SDCBP2: variants seen among roughly 807,000 people sequenced by gnomAD.
SDCBP2 encodes syntenin-2.
A neutral mutation model predicts 30.7 loss-of-function variants in SDCBP2; 28 were observed. That is an observed-to-expected ratio of 0.91 (90% CI 0.68 to 1.25). The LOEUF (loss-of-function observed/expected upper bound fraction) is 1.25. Among genes scored for constraint, SDCBP2 ranks in the 50% most tolerant of loss-of-function variants. The pLI, the probability that SDCBP2 is intolerant of heterozygous loss-of-function variation, is 0.00. For missense variants in SDCBP2, 399 were observed against 379.0 expected (o/e 1.05, Z -0.44); for synonymous variants, 166 against 157.3 (o/e 1.06, Z -0.41).
In SDCBP2 at chr20:1,310,492, C is replaced by T; in HGVS notation, c.828G>A (p.Leu276=). The change falls in exon 9 of 9, where the codon TTG becomes TTA. Residue 276 remains leucine (L), a synonymous_variant. Transcript: ENST00000360779. ...TGGTGTGGTGGAGCAGGACTGGAGG[C>T]AACCTGGATACAGCAACAACAGTGA... ...SVIYEHMVKK[L]PPVLLHHTMD... 1 of 1,613,702 alleles carries T rather than the reference C, an allele frequency of 6.2e-7. No individual in the cohort carries two copies. Among genetic ancestry groups the T allele is most frequent in the Non-Finnish European group, 8.5e-7 (1 of 1,179,952 alleles).
chr20:1,320,710 T>C lies in SDCBP2; in HGVS notation c.-19-275A>G. ...AATTTATAAAGACTCTCACACAAACTGTAGCAGAACTTAGACACTCAACAG... is the reference window on the plus strand; with the variant it reads ...AATTTATAAAGACTCTCACACAAACCGTAGCAGAACTTAGACACTCAACAG... On this transcript the variant is annotated intron_variant, in intron 1 of 8. Coordinates refer to ENST00000360779, the MANE Select transcript of SDCBP2 (RefSeq NM_080489.5). The surrounding 1 kb of genome is among the most constrained non-coding windows in gnomAD (Gnocchi z 4.7). 1 of 283,878 alleles carries C rather than the reference T, an allele frequency of 3.5e-6. No homozygotes were observed. The highest frequency in any genetic ancestry group is 6.7e-5 in the East Asian group (1 of 14,958). The allele number at this position is 283,878 out of a possible 1,614,324, so 17.6% of individuals were successfully genotyped here.
chr20:1,320,253 T>C lies in SDCBP2; in HGVS notation c.54+110A>G. 2.1e-6 allele frequency: 2 copies of C among 937,268 alleles called. No individual in the cohort carries two copies. Among genetic ancestry groups the C allele is most frequent in the South Asian group, 1.6e-5 (1 of 63,566 alleles). The allele number at this position is 937,268 out of a possible 1,614,324, so 58.1% of individuals were successfully genotyped here. A position where few individuals can be genotyped will look rare whatever the true frequency, so the allele number is the denominator to read the frequency against. ...GCAGGCCCTGCAGTGGACACCTACA[T>C]GCCCTGAGGCCTACGGGAATCTCCA... On this transcript the variant is annotated intron_variant, in intron 2 of 8. Coordinates refer to ENST00000360779, the MANE Select transcript of SDCBP2 (RefSeq NM_080489.5). The surrounding 1 kb of genome is among the most constrained non-coding windows in gnomAD (Gnocchi z 4.7).
At chr20:1,311,106 C>T (rs1373073963) in intron 7 of SDCBP2, 1 of 489,186 alleles carries the variant, frequency 2.0e-6, no homozygotes, top group Non-Finnish European at 3.6e-6. Flanking sequence ...GGGTCTCCCA[C>T]CTGAGGATCT....
Position 1,310,904 on chromosome 20 carries a change from C to T in SDCBP2, c.733-13G>A, listed in dbSNP as rs1258902526. 2.5e-6 allele frequency: 4 copies of T among 1,606,328 alleles called. No homozygotes were observed. Among genetic ancestry groups the T allele is most frequent in the Admixed American group, 1.7e-5 (1 of 59,848 alleles). ...TGATCTTTTTGTCCTAGGGAGGAGG[C>T]AAGTAAGCGATCACCCTAAGGATTG... On this transcript the variant is annotated splice_polypyrimidine_tract_variant and intron_variant, in intron 7 of 8. Coordinates refer to ENST00000360779, the MANE Select transcript of SDCBP2 (RefSeq NM_080489.5).
Position 1,312,568 on chromosome 20 carries a change from C to T in SDCBP2, c.560+19G>A. The T allele has an allele frequency of 1.2e-6, 2 of 1,612,584 alleles. No individual in the cohort carries two copies. The highest frequency in any genetic ancestry group is 1.7e-6 in the Non-Finnish European group (2 of 1,179,264). On this transcript the variant is annotated intron_variant, in intron 6 of 8. Coordinates refer to ENST00000360779, the MANE Select transcript of SDCBP2 (RefSeq NM_080489.5). ...TGGCTGGGGTGAGACGGAGAGGCTG[C>T]CCGGGCCTGGCTACTCACCTGTCCC...
chr20:1,314,030 AT>A (rs2122511015), intron 4 of SDCBP2, among the ~76,000 whole-genome samples: 1 of 152,300 alleles, frequency 6.6e-6, no homozygotes, highest in South Asian at 2.1e-4. Context: ...AACGGTTCCT[AT>A]TTATAGATGG....
At chr20:1,318,258 C>A (rs963378341) in intron 4 of SDCBP2, 60 bp downstream of exon 4, 8 of 1,161,260 alleles carry the variant, frequency 6.9e-6, no homozygotes, top group Non-Finnish European at 1.0e-5. Context: ...ATGGCAAGAC[C>A]AGGAAAAAGG....
Position 1,312,422 on chromosome 20 carries a change from A to C in SDCBP2, c.647T>G (p.Val216Gly), listed in dbSNP as rs926792736. ...GTTGCGGGCCGCAGAACTCCCTTTG[A>C]CCAGAGAGACAATCTTCCCCTTCTT... Reference protein sequence around the residue: ...VIKKGKIVSLVKGSSAARNGL... With the variant: ...VIKKGKIVSLGKGSSAARNGL... Residue 216 changes from valine (V) to glycine (G), a missense_variant, in exon 7 of 9, where the codon GTC (valine) becomes GGC (glycine). Val to Gly is a moderately radical substitution (Grantham distance 109, BLOSUM62 -3). Coordinates refer to ENST00000360779, the MANE Select transcript of SDCBP2 (RefSeq NM_080489.5). The C allele has an allele frequency of 5.6e-6, 9 of 1,613,804 alleles. No individual in the cohort carries two copies. The highest frequency in any genetic ancestry group is 1.7e-5 in the Admixed American group (1 of 59,974).
At chr20:1,311,041 G>A (rs961029561) in intron 7 of SDCBP2, 150 bp from the exon 8 acceptor site, 5 of 577,192 alleles carry the variant, frequency 8.7e-6, no homozygotes, top group Admixed American at 6.5e-5. Context: ...CCCCGAGCCT[G>A]TCAGATGAGG....
In SDCBP2 at chr20:1,313,736, G is replaced by C. The variant is rs1317263753; in HGVS notation, c.226-238C>G. ...GGAAAACGGGGAGGGAAGGGGCGAG[G>C]ATACAGGAAGAGGCCCTTCATTTCC... is the stretch of plus-strand genomic sequence containing the variant. On this transcript the variant is annotated intron_variant, in intron 4 of 8. Transcript: ENST00000360779. The surrounding 1 kb of genome is among the most constrained non-coding windows in gnomAD (Gnocchi z 5.2). The C allele has an allele frequency of 2.7e-6, 3 of 1,110,310 alleles. No individual in the cohort carries two copies. The highest frequency in any genetic ancestry group is 3.5e-6 in the Non-Finnish European group (3 of 849,874). 68.8% of individuals were successfully genotyped at this position (1,110,310 alleles called of 1,614,324 possible).
chr20:1,325,431 A>G (rs2088908188), intron 1 of SDCBP2: 1 of 152,174 alleles, frequency 6.6e-6, no homozygotes, highest in Admixed American at 6.5e-5. Context: ...AGAGTGGAAC[A>G]TGGCGGCCTC....
chr20:1,311,256 A>T (rs769577614), intron 7 of SDCBP2, among the ~76,000 whole-genome samples: 53 of 152,128 alleles, frequency 3.5e-4, no homozygotes, highest in Non-Finnish European at 1.3e-4. Context: ...CCACAGTCAC[A>T]TTTGGGTTCT....
At chr20:1,326,013 C>T (rs1003070157) in intron 1 of SDCBP2, 3 of 152,238 alleles carry the variant, frequency 2.0e-5, no homozygotes, top group Non-Finnish European at 4.4e-5. Flanking sequence ...GACCGAAAGC[C>T]TGTTATGAGG....
At chr20:1,322,045 TC>T (rs2088856588) in intron 1 of SDCBP2, 1 of 152,272 alleles carries the variant, frequency 6.6e-6, no homozygotes, top group South Asian at 2.1e-4. Context: ...CTCTCCAGCT[TC>T]ATTTCTTGCC....
In SDCBP2 at chr20:1,312,686, T is replaced by G. The variant is rs1326389104; in HGVS notation, c.461A>C (p.Gln154Pro). 1 of 1,614,120 alleles carries G rather than the reference T, an allele frequency of 6.2e-7. No individual in the cohort carries two copies. The highest frequency in any genetic ancestry group is 1.3e-5 in the African/African-American group (1 of 75,032). ...CCCAGCACAGTCACGCCCGTCAATC[T>G]GCAGGAGCTGGTCCCCAAAGCGCAG... ...VGLRFGDQLL[Q>P]IDGRDCAGWS... The change falls in exon 6 of 9, where the codon CAG (glutamine) becomes CCG (proline). Residue 154 changes from glutamine (Q) to proline (P), a missense_variant. By Grantham distance (76) the Gln-to-Pro change is moderately conservative. Coordinates refer to ENST00000360779, the MANE Select transcript of SDCBP2 (RefSeq NM_080489.5).
chr20:1,312,845 G>GGAGTATCAGGAGGAAA, intron 5 of SDCBP2, 83 bp from the exon 6 acceptor site: 2 of 1,417,614 alleles, frequency 1.4e-6, no homozygotes, highest in African/African-American at 1.4e-5. Flanking sequence ...TTTTCCTCCT[G>GGAGTATCAGGAGGAAA]ATACTCCAGG....
At chr20:1,319,476 T>C in intron 3 of SDCBP2, 114 bp downstream of exon 3, 1 of 1,128,788 alleles carries the variant, frequency 8.9e-7, no homozygotes, top group South Asian at 1.3e-5. Flanking sequence ...CTTCCCACCA[T>C]GTTGAGTCCT....
chr20:1,312,760 C>T lies in SDCBP2; in HGVS notation c.387G>A (p.Gly129=). ...TGLRLRKVDQ[G]LFVQLVQANT... ...TGGCCTGGACCAACTGCACAAAGAG[C>T]CCCTGGGGGAGGCAGGGCCCCAGAG... Residue 129 remains glycine, a splice_region_variant and synonymous_variant, in exon 6 of 9, where the codon GGG becomes GGA. Transcript: ENST00000360779. The T allele has an allele frequency of 2.5e-6, 4 of 1,609,032 alleles. No individual in the cohort carries two copies. Among genetic ancestry groups the T allele is most frequent in the Non-Finnish European group, 3.4e-6 (4 of 1,177,514 alleles).
intron 7 of SDCBP2, among the ~76,000 whole-genome samples, chr20:1,311,345 C>G (rs899810122): frequency 3.9e-5 from 6 of 152,158 alleles, no homozygotes; most frequent in African/African-American, 1.2e-4. Context: ...CTGCTGCCTC[C>G]AGGGCCATAA....
Sources: gnomAD v4.1 joint callset for allele counts (sites outside exome capture counted in the v4.1 genomes callset) on GRCh38, gnomAD v4.1.1 for gene constraint, Gnocchi (gnomAD v3.1) non-coding constraint, MANE v1.5 for transcripts, NCBI Gene and HGNC (gene_info 2026-07-23, HGNC 2026-07-21) for gene names.